Variants in PRKCQ observed in about 807,000 individuals in gnomAD.
PRKCQ encodes the protein protein kinase C theta.
Under a neutral mutation model 91.2 loss-of-function variants are expected in PRKCQ, and 41 were observed. The observed-to-expected ratio is 0.45, with a 90% CI of 0.35 to 0.58. The LOEUF (loss-of-function observed/expected upper bound fraction) is 0.58, where lower values mean the gene tolerates loss of function less well. Ranked by LOEUF, PRKCQ falls within the 20% of genes least tolerant of loss-of-function variation. The pLI is 0.00. For missense variants in PRKCQ, 673 were observed against 896.5 expected (o/e 0.75, Z 3.18); for synonymous variants, 307 against 316.9 (o/e 0.97, Z 0.33).
At chr10:6,463,216 T>A (rs1361826507) in intron 13 of PRKCQ, among the ~76,000 whole-genome samples, 3 of 152,154 alleles carry the variant, frequency 2.0e-5, no homozygotes. Context: ...TTACACTTCA[T>A]CTTCAATGGT....
At chr10:6,485,396 A>G (rs1174001630) in intron 9 of PRKCQ, 127 bp from the exon 10 acceptor site, 1 of 732,344 alleles carries the variant, frequency 1.4e-6, no homozygotes, top group Non-Finnish European at 2.4e-6. Context: ...AGATCTCCTT[A>G]TCCTCAACGT....
intron 16 of PRKCQ, among the ~76,000 whole-genome samples, chr10:6,435,653 T>C (rs1010610659): frequency 8.5e-5 from 13 of 152,288 alleles, no homozygotes; most frequent in Admixed American, 2.6e-4. Context: ...GGAAGAAGGA[T>C]TGTCTTGGGC....
chr10:6,401,557 A>C, the PRKCQ span, among the ~76,000 whole-genome samples: 1 of 151,910 alleles, frequency 6.6e-6, no homozygotes, highest in African/African-American at 2.4e-5. Context: ...TTGTATAGTA[A>C]CCCAATGAGG....
In PRKCQ at chr10:6,515,541, G is replaced by C. The variant is rs918993331; in HGVS notation, c.-9-397C>G. ...AGTAATCAGAAAATGAGTTTATATA[G>C]AGCGAGTCTATTTTAGTCACACTAG... On this transcript the variant is annotated intron_variant, in intron 1 of 17. Coordinates refer to ENST00000263125, the MANE Select transcript of PRKCQ (RefSeq NM_006257.5). 9.2e-6 allele frequency: 9 copies of C among 978,556 alleles called. No individual in the cohort carries two copies. The African/African-American group carries it at 1.1e-4, about 11-fold the overall frequency. The allele number at this position is 978,556 out of a possible 1,614,324, so 60.6% of individuals were successfully genotyped here.
intron 12 of PRKCQ, among the ~76,000 whole-genome samples, chr10:6,475,029 C>T (rs1486536067): frequency 6.6e-6 from 1 of 152,080 alleles, no homozygotes; most frequent in Non-Finnish European, 1.5e-5. Context: ...TTTCCTCTTG[C>T]CAAGACAGCA....
Position 6,428,372 on chromosome 10 carries a change from A to G in PRKCQ, c.1966-10T>C, listed in dbSNP as rs746575563. On this transcript the variant is annotated splice_polypyrimidine_tract_variant and intron_variant, in intron 17 of 17. Transcript: ENST00000263125. ...AGTCAAATGGTGATTTCTTAGTCAG[A>G]GTTTAAGGGAAGAAAGAAAGAGAAG... 1 of 1,606,988 alleles carries G rather than the reference A, an allele frequency of 6.2e-7. No individual in the cohort carries two copies. The highest frequency in any genetic ancestry group is 2.2e-5 in the East Asian group (1 of 44,778).
chr10:6,508,641 T>C (rs536542232), intron 3 of PRKCQ, among the ~76,000 whole-genome samples: 1 of 152,358 alleles, frequency 6.6e-6, no homozygotes, highest in South Asian at 2.1e-4. Context: ...CATTGTTCTC[T>C]GGCTTGTGAA....
At chr10:6,397,906 C>A in the PRKCQ span, among the ~76,000 whole-genome samples, 1 of 152,124 alleles carries the variant, frequency 6.6e-6, no homozygotes, top group African/African-American at 2.4e-5. Flanking sequence ...GCCTAGGCAA[C>A]AAGCACGAGA....
the PRKCQ span, among the ~76,000 whole-genome samples, chr10:6,403,629 A>G: frequency 1.3e-5 from 2 of 152,114 alleles, no homozygotes; most frequent in African/African-American, 2.4e-5. Flanking sequence ...TGTTATATGG[A>G]TGTTTCAAAT....
At chr10:6,458,106 T>A (rs115246149) in intron 14 of PRKCQ, among the ~76,000 whole-genome samples, 3,587 of 152,314 alleles carry the variant, frequency 0.024, 139 homozygotes, top group African/African-American at 0.082. Context: ...GGCTAATTTT[T>A]AAAATTTTTT....
At chr10:6,534,584 C>G (rs1839505126) in intron 1 of PRKCQ, among the ~76,000 whole-genome samples, 1 of 151,944 alleles carries the variant, frequency 6.6e-6, no homozygotes, top group East Asian at 1.9e-4. Flanking sequence ...AATATACTTA[C>G]AAGACTGTTC....
chr10:6,578,007 G>T (rs529388954), intron 1 of PRKCQ, among the ~76,000 whole-genome samples: 1 of 152,176 alleles, frequency 6.6e-6, no homozygotes, highest in African/African-American at 2.4e-5. Context: ...TCTTTTCCAC[G>T]GAAGAGACAG....
intron 13 of PRKCQ, among the ~76,000 whole-genome samples, chr10:6,463,507 C>T (rs1835468293): frequency 6.6e-6 from 1 of 152,146 alleles, no homozygotes; most frequent in Non-Finnish European, 1.5e-5. Flanking sequence ...TTTCCCAGAG[C>T]AATGATCTCA....
intron 1 of PRKCQ, among the ~76,000 whole-genome samples, chr10:6,545,525 T>A (rs1418723421): frequency 6.6e-6 from 1 of 151,766 alleles, no homozygotes; most frequent in Non-Finnish European, 1.5e-5. Flanking sequence ...CTGAAATGAG[T>A]CCCTAGAGGA....
intron 12 of PRKCQ, among the ~76,000 whole-genome samples, chr10:6,473,922 A>G (rs948092985): frequency 3.9e-5 from 6 of 152,168 alleles, no homozygotes; most frequent in African/African-American, 1.4e-4. Context: ...TCTCCAAAAA[A>G]GATCCAAACT....
chr10:6,544,132 T>C (rs1839868530), intron 1 of PRKCQ, among the ~76,000 whole-genome samples: 1 of 152,208 alleles, frequency 6.6e-6, no homozygotes, highest in Non-Finnish European at 1.5e-5. Flanking sequence ...AAAAACGATG[T>C]TGGAAGAATC....
intron 15 of PRKCQ, among the ~76,000 whole-genome samples, chr10:6,453,274 C>A (rs1176992348): frequency 6.6e-6 from 1 of 152,172 alleles, no homozygotes; most frequent in Non-Finnish European, 1.5e-5. Context: ...TGAACAGACA[C>A]TTCTCAAAAG....
chr10:6,532,581 A>G (rs1247751505), intron 1 of PRKCQ, among the ~76,000 whole-genome samples: 1 of 152,138 alleles, frequency 6.6e-6, no homozygotes. Context: ...ACTGCACCCA[A>G]TCTTGTCTGA....
intron 1 of PRKCQ, among the ~76,000 whole-genome samples, chr10:6,544,627 T>C (rs897325413): frequency 3.9e-4 from 52 of 132,466 alleles, no homozygotes; most frequent in Middle Eastern, 3.6e-3. Flanking sequence ...CCCCACACTC[T>C]TTTTTTTTTT....
Sources: allele counts gnomAD v4.1 joint callset (sites outside exome capture counted in the v4.1 genomes callset), GRCh38; gene constraint gnomAD v4.1.1; transcripts MANE v1.5; gene names NCBI Gene and HGNC (gene_info 2026-07-23, HGNC 2026-07-21).